MOB3A: variants seen among roughly 807,000 people sequenced by gnomAD.
MOB3A encodes MOB kinase activator 3A, also known as MOB LAK.
MOB3A carries 17 observed loss-of-function variants against 17.8 expected under a neutral mutation model. That is an observed-to-expected ratio of 0.95 (90% CI 0.65 to 1.43). The LOEUF (loss-of-function observed/expected upper bound fraction) is 1.43. Ranked by LOEUF, MOB3A falls within the 40% of genes most tolerant of loss-of-function variation. The probability of loss-of-function intolerance (pLI) is 0.00; values close to 1 mark genes in which losing one functional copy is unlikely to be tolerated. For missense variants in MOB3A, 333 were observed against 310.8 expected (o/e 1.07, Z -0.54); for synonymous variants, 124 against 133.2 (o/e 0.93, Z 0.48).
chr19:2,078,678 A>T lies in MOB3A; in HGVS notation c.-118T>A. ...ACCAAGCCCCACAGCTCTCCCGCGG[A>T]CCTGAAATACACAGGGGAATCATGA... On this transcript the variant is annotated splice_region_variant and 5_prime_UTR_variant, in exon 3 of 5. Coordinates refer to ENST00000357066, the MANE Select transcript of MOB3A (RefSeq NM_130807.3). 3.0e-6 allele frequency: 3 copies of T among 995,554 alleles called. No homozygotes were observed. The highest frequency in any genetic ancestry group is 2.9e-6 in the Non-Finnish European group (2 of 687,496). 61.7% of individuals were successfully genotyped at this position (995,554 alleles called of 1,614,324 possible). A position where few individuals can be genotyped will look rare whatever the true frequency, so the allele number is the denominator to read the frequency against.
At chr19:2,083,727 C>T (rs1369112170) in intron 2 of MOB3A, among the ~76,000 whole-genome samples, 1 of 152,234 alleles carries the variant, frequency 6.6e-6, no homozygotes, top group African/African-American at 2.4e-5. Context: ...CAAAACCCAA[C>T]CTGCCACAGC....
chr19:2,094,855 C>T (rs892845067), intron 1 of MOB3A, among the ~76,000 whole-genome samples: 1 of 152,186 alleles, frequency 6.6e-6, no homozygotes, highest in Non-Finnish European at 1.5e-5. Context: ...AAGGAGAAAA[C>T]GAAGAAAAAA....
rs2017355099 is a variant in MOB3A, at chr19:2,072,805, C to G, written c.*590G>C. 1 of 152,280 alleles carries G rather than the reference C, an allele frequency of 6.6e-6. No individual in the cohort carries two copies. The highest frequency in any genetic ancestry group is 1.5e-5 in the Non-Finnish European group (1 of 68,152). The allele number at this position is 152,280 out of a possible 1,614,324, so 9.4% of individuals were successfully genotyped here. A position where few individuals can be genotyped will look rare whatever the true frequency, so the allele number is the denominator to read the frequency against. On this transcript the variant is annotated 3_prime_UTR_variant, in exon 5 of 5. Transcript: ENST00000357066. ...ATTGGGGAGGGAGGAAAGAGGCTGC[C>G]TGGGTCCAGGTTGTGCCTCTGTGTG...
intron 2 of MOB3A, among the ~76,000 whole-genome samples, chr19:2,080,290 G>A (rs919757998): frequency 1.3e-5 from 2 of 152,096 alleles, no homozygotes; most frequent in Admixed American, 6.6e-5. Flanking sequence ...GAGGGAGTGA[G>A]GCCCACACAT....
intron 3 of MOB3A, 121 bp from the exon 4 acceptor site, chr19:2,077,134 C>T (rs2017422025): frequency 6.1e-6 from 5 of 814,826 alleles, no homozygotes; most frequent in Non-Finnish European, 9.9e-6. Context: ...GGCGCGGTGG[C>T]TGACGCCTGT....
chr19:2,074,604 G>A (rs1285059351), intron 4 of MOB3A, among the ~76,000 whole-genome samples: 1 of 151,474 alleles, frequency 6.6e-6, no homozygotes, highest in Non-Finnish European at 1.5e-5. Context: ...TCAGGCTGGA[G>A]AGCTGTGGCG....
At chr19:2,094,401 T>A (rs1018766655) in intron 1 of MOB3A, among the ~76,000 whole-genome samples, 1 of 152,032 alleles carries the variant, frequency 6.6e-6, no homozygotes, top group Non-Finnish European at 1.5e-5. Context: ...CAAATAAACA[T>A]CCAGCTTCCC....
chr19:2,078,124 G>A lies in MOB3A; in HGVS notation c.421+16C>T. The A allele has an allele frequency of 6.5e-7, 1 of 1,548,562 alleles. No individual in the cohort carries two copies. Among genetic ancestry groups the A allele is most frequent in the East Asian group, 2.3e-5 (1 of 43,966 alleles). ...GAAGGCTCTGTATCCCCGAGCCCCTGCCAGCTCTGACTCACCAACGTTGGT... is the reference window on the plus strand; with the variant it reads ...GAAGGCTCTGTATCCCCGAGCCCCTACCAGCTCTGACTCACCAACGTTGGT... On this transcript the variant is annotated intron_variant, in intron 3 of 4. Transcript: ENST00000357066.
At chr19:2,076,471 G>A (rs114002834) in intron 4 of MOB3A, among the ~76,000 whole-genome samples, 1,656 of 152,308 alleles carry the variant, frequency 0.011, 27 homozygotes, top group African/African-American at 0.038. Flanking sequence ...AGTCGGGGTG[G>A]AGTCTGCTTG....
chr19:2,077,992 C>T, intron 3 of MOB3A, 148 bp downstream of exon 3: 2 of 800,182 alleles, frequency 2.5e-6, no homozygotes, highest in South Asian at 2.3e-5. Context: ...GCTATGTTGC[C>T]CAGGCTGAGC....
In MOB3A at chr19:2,078,326, T is replaced by C. The variant is rs2017441131; in HGVS notation, c.235A>G (p.Ile79Val). The C allele has an allele frequency of 6.2e-7, 1 of 1,614,076 alleles. No homozygotes were observed. Among genetic ancestry groups the C allele is most frequent in the South Asian group, 1.1e-5 (1 of 91,092 alleles). The change falls in exon 3 of 5, where the codon ATC becomes GTC. Residue 79 changes from isoleucine (I) to valine (V), a missense_variant. Transcript: ENST00000357066. Reference sequence around the variant, plus strand: ...GACTGCTCCGTGCAGCCGTCGCTGATGGTGCCGTAGATGAGGTTGACGCGG... The same window carrying C: ...GACTGCTCCGTGCAGCCGTCGCTGACGGTGCCGTAGATGAGGTTGACGCGG... ...FNRVNLIYGT[I>V]SDGCTEQSCP...
chr19:2,087,742 G>C (rs563713677), intron 1 of MOB3A, among the ~76,000 whole-genome samples: 9 of 152,326 alleles, frequency 5.9e-5, no homozygotes, highest in African/African-American at 1.9e-4. Flanking sequence ...AGAGGACTCA[G>C]CCCAAAGTTT....
chr19:2,073,450 C>T (rs1274262041), intron 4 of MOB3A, 26 bp from the exon 5 acceptor site: 13 of 1,613,692 alleles, frequency 8.1e-6, no homozygotes, highest in African/African-American at 2.7e-5. Context: ...AAGACATCAG[C>T]TCCCACCAGC....
chr19:2,079,649 T>C (rs1226062081), intron 2 of MOB3A, among the ~76,000 whole-genome samples: 1 of 152,224 alleles, frequency 6.6e-6, no homozygotes, highest in East Asian at 1.9e-4. Flanking sequence ...GCCCCAGAAC[T>C]GAGAATGAGT....
chr19:2,094,533 T>C (rs1250794686), intron 1 of MOB3A, among the ~76,000 whole-genome samples: 6 of 152,314 alleles, frequency 3.9e-5, no homozygotes, highest in Non-Finnish European at 5.9e-5. Context: ...AATGAATGAC[T>C]AGTTCCTCAA....
Position 2,073,421 on chromosome 19 carries a change from C to A in MOB3A, c.628G>T (p.Glu210Ter). The change falls in exon 5 of 5, where the codon GAA (glutamate) becomes TAA (stop). Residue 210 changes from glutamate (E) to a stop codon, truncating the protein, a stop_gained. Coordinates refer to ENST00000357066, the MANE Select transcript of MOB3A (RefSeq NM_130807.3). LOFTEE classifies it high-confidence loss of function. ...CAGTGGCACATCCGGGCGGTCATTTCTTTCTGTAAAGAGCAAGCAAGACAT... is the reference window on the plus strand; with the variant it reads ...CAGTGGCACATCCGGGCGGTCATTTATTTCTGTAAAGAGCAAGCAAGACAT... Reference protein sequence around the residue: ...IDTKELEPLKEMTARMCH With the variant: ...IDTKELEPLK The A allele has an allele frequency of 6.2e-7, 1 of 1,613,872 alleles. No homozygotes were observed. Among genetic ancestry groups the A allele is most frequent in the Non-Finnish European group, 8.5e-7 (1 of 1,180,016 alleles).
rs567749688 is a variant in MOB3A at position 2,082,335 on chromosome 19, G to A, written c.-120+2840C>T. ...AAGGTGCTGAGCGGCATCCCTGGCC[G>A]CCGCCCCTCCCTGCCAGGAGCTCCC... On this transcript the variant is annotated intron_variant, in intron 2 of 4. Coordinates refer to ENST00000357066, the MANE Select transcript of MOB3A (RefSeq NM_130807.3). The surrounding 1 kb of genome is among the most constrained non-coding windows in gnomAD (Gnocchi z 4.1). 2.6e-5 allele frequency among the ~76,000 whole-genome samples: 4 copies of A among 152,346 alleles called. No homozygotes were observed. Among genetic ancestry groups the A allele is most frequent in the African/African-American group, 7.2e-5 (3 of 41,580 alleles).
intron 4 of MOB3A, among the ~76,000 whole-genome samples, chr19:2,076,542 G>A (rs1220282125): frequency 6.6e-6 from 1 of 152,222 alleles, no homozygotes; most frequent in Non-Finnish European, 1.5e-5. Flanking sequence ...CCTGAGCTCA[G>A]GACGGTGAAG....
Position 2,087,537 on chromosome 19 carries a change from T to A in MOB3A, c.-273-2209A>T, listed in dbSNP as rs111969758. 3.3e-3 allele frequency among the ~76,000 whole-genome samples: 508 copies of A among 152,228 alleles called. 3 individuals are homozygous for A. The highest frequency in any genetic ancestry group is 0.012 in the African/African-American group (490 of 41,548). ...AGGCATGGTGGATGTGCCTGTATAG[T>A]CCCAGCCACTTGGAGGCTGAGGTGG... On this transcript the variant is annotated intron_variant, in intron 1 of 4. Transcript: ENST00000357066.
Sources: allele counts gnomAD v4.1 joint callset (sites outside exome capture counted in the v4.1 genomes callset), GRCh38; gene constraint gnomAD v4.1.1; non-coding constraint Gnocchi (gnomAD v3.1); transcripts MANE v1.5; gene names NCBI Gene and HGNC (gene_info 2026-07-23, HGNC 2026-07-21).